Variants in NTM observed in about 807,000 individuals in gnomAD.
NTM encodes the protein neurotrimin.
In NTM, 13 loss-of-function variants were observed where a neutral mutation model predicts 42.1. The ratio of observed to expected loss-of-function variants is 0.31; its 90% CI spans 0.20 to 0.49. The LOEUF is 0.49. NTM is among the 20% of genes least tolerant of loss of function. The probability of loss-of-function intolerance (pLI) is 0.99; values close to 1 mark genes in which losing one functional copy is unlikely to be tolerated. For missense variants in NTM, 373 were observed against 452.8 expected (o/e 0.82, Z 1.60); for synonymous variants, 187 against 179.2 (o/e 1.04, Z -0.35).
intron 1 of NTM, among the ~76,000 whole-genome samples, chr11:131,391,061 A>G (rs1473217433): frequency 2.0e-5 from 3 of 152,144 alleles, no homozygotes; most frequent in Non-Finnish European, 4.4e-5. Flanking sequence ...GGGGAAAGGC[A>G]CACTTACTAC....
At chr11:131,882,361 A>G (rs1312111487) in intron 1 of NTM, among the ~76,000 whole-genome samples, 1 of 152,152 alleles carries the variant, frequency 6.6e-6, no homozygotes, top group Non-Finnish European at 1.5e-5. Context: ...CAGGTTAGTC[A>G]TTTTCTATTA....
Position 131,434,039 on chromosome 11 carries a change from C to T in NTM, c.82+63151C>T, listed in dbSNP as rs772194851. On this transcript the variant is annotated intron_variant, in intron 1 of 8. Transcript: ENST00000683400. ...TTCAGTTCCCACCTATGAGTGAGAA[C>T]ATGCGGTGTTTGGTTTTCTGTCCTT... 5.3e-5 allele frequency among the ~76,000 whole-genome samples: 8 copies of T among 152,230 alleles called. No individual in the cohort carries two copies. In the East Asian group the frequency reaches 7.7e-4, roughly 15 times the overall value.
At chr11:131,997,377 G>A (rs548018963) in intron 2 of NTM, among the ~76,000 whole-genome samples, 46 of 152,212 alleles carry the variant, frequency 3.0e-4, no homozygotes, top group Middle Eastern at 3.4e-3. Context: ...GGGTACGTGC[G>A]GAACACTGGG....
At chr11:131,789,622 GAAGAAGAAGAA>G (rs2090432899) in intron 1 of NTM, among the ~76,000 whole-genome samples, 1 of 85,612 alleles carries the variant, frequency 1.2e-5, no homozygotes, top group Non-Finnish European at 2.3e-5. Context: ...AGAAGAAGAA[GAAGAAGAAGAA>G]GAAAAGAAGA....
intron 1 of NTM, among the ~76,000 whole-genome samples, chr11:131,640,293 A>T (rs2064974616): frequency 6.6e-6 from 1 of 152,224 alleles, no homozygotes; most frequent in South Asian, 2.1e-4. Flanking sequence ...TGAGAATAAG[A>T]CAAAGACTAA....
At chr11:132,056,782 C>A (rs1287726163) in intron 2 of NTM, among the ~76,000 whole-genome samples, 1 of 152,128 alleles carries the variant, frequency 6.6e-6, no homozygotes, top group Admixed American at 6.5e-5. Flanking sequence ...ATTCTTACAC[C>A]CACAGAGATG....
chr11:132,112,437 T>A (rs1566193007), intron 2 of NTM, among the ~76,000 whole-genome samples: 2 of 152,212 alleles, frequency 1.3e-5, no homozygotes, highest in Middle Eastern at 3.4e-3. Context: ...TAATGAGAAG[T>A]CTTAGAGAAT....
chr11:131,900,829 A>G (rs4603314), intron 1 of NTM, among the ~76,000 whole-genome samples: 3,874 of 152,344 alleles, frequency 0.025, 139 homozygotes, highest in African/African-American at 0.088. Flanking sequence ...TTATGGAACA[A>G]TTTTGAGTAA....
intron 1 of NTM, among the ~76,000 whole-genome samples, chr11:131,532,671 G>C (rs1316527029): frequency 6.6e-6 from 1 of 152,202 alleles, no homozygotes; most frequent in African/African-American, 2.4e-5. Context: ...CTGCACCATT[G>C]TACATTCTCA....
intron 3 of NTM, among the ~76,000 whole-genome samples, chr11:132,202,159 G>A (rs1313813100): frequency 6.6e-6 from 1 of 152,130 alleles, no homozygotes; most frequent in Non-Finnish European, 1.5e-5. Flanking sequence ...CCTTATTAGA[G>A]AATCTGCAGT....
chr11:131,394,620 G>T (rs1376749244), intron 1 of NTM, among the ~76,000 whole-genome samples: 1 of 152,146 alleles, frequency 6.6e-6, no homozygotes, highest in African/African-American at 2.4e-5. Context: ...CAAAGATCAG[G>T]CTAGGAGAAA....
In NTM at chr11:132,146,740, A is replaced by G; in HGVS notation, c.400+226A>G. On this transcript the variant is annotated intron_variant, in intron 3 of 8. Coordinates refer to ENST00000683400, the MANE Select transcript of NTM (RefSeq NM_001352005.2). This position sits in a 1 kb window ranked among gnomAD's most constrained non-coding sequence, Gnocchi z 4.5. The stretch of plus-strand genomic sequence containing the variant: ...TTTTTCATTTTTGTTCCAATAATAT[A>G]TTTTCTCAGGAAATTATCTTGTAAT... The G allele has an allele frequency of 6.4e-6, 3 of 465,174 alleles. No homozygotes were observed. Among genetic ancestry groups the G allele is most frequent in the Non-Finnish European group, 7.5e-6 (2 of 266,874 alleles). The allele number at this position is 465,174 out of a possible 1,614,324, so 28.8% of individuals were successfully genotyped here.
intron 1 of NTM, among the ~76,000 whole-genome samples, chr11:131,613,332 C>T (rs1191926387): frequency 3.3e-5 from 5 of 152,114 alleles, no homozygotes; most frequent in Non-Finnish European, 7.3e-5. Flanking sequence ...GCCTGGGCCC[C>T]CGCCCAAGTT....
intron 1 of NTM, among the ~76,000 whole-genome samples, chr11:131,521,890 C>T (rs1238383746): frequency 6.6e-6 from 1 of 152,128 alleles, no homozygotes; most frequent in Non-Finnish European, 1.5e-5. Context: ...CTGCTTCCCC[C>T]TTTGTAATTG....
intron 1 of NTM, among the ~76,000 whole-genome samples, chr11:131,565,148 T>G (rs114597482): frequency 6.6e-6 from 1 of 152,176 alleles, no homozygotes; most frequent in Non-Finnish European, 1.5e-5. Context: ...ACCCCAACAC[T>G]GTCCCCTGTG....
chr11:132,237,205 G>A (rs1053993485), intron 4 of NTM, among the ~76,000 whole-genome samples: 2 of 152,208 alleles, frequency 1.3e-5, no homozygotes, highest in Non-Finnish European at 2.9e-5. Context: ...AATGCCAGAT[G>A]CTAACTTAGA....
At chr11:132,251,991 A>G (rs3133904) in intron 4 of NTM, among the ~76,000 whole-genome samples, 72,645 of 151,964 alleles carry the variant, frequency 0.48, 17,786 homozygotes, top group African/African-American at 0.55. Flanking sequence ...TTCCGCCCAG[A>G]CAGAGAGTGA....
intron 3 of NTM, among the ~76,000 whole-genome samples, chr11:132,169,315 T>TTTTAC (rs1243731782): frequency 7.9e-5 from 11 of 139,768 alleles, no homozygotes; most frequent in Non-Finnish European, 1.7e-4. Flanking sequence ...GGTTTAATTT[T>TTTTAC]TTTACTTTTT....
chr11:132,171,986 G>A (rs968129770), intron 3 of NTM, among the ~76,000 whole-genome samples: 10 of 152,090 alleles, frequency 6.6e-5, no homozygotes, highest in African/African-American at 2.4e-4. Flanking sequence ...TTTCCCATGT[G>A]GCCTTGGCCT....
Sources: allele counts gnomAD v4.1 joint callset (sites outside exome capture counted in the v4.1 genomes callset), GRCh38; gene constraint gnomAD v4.1.1; non-coding constraint Gnocchi (gnomAD v3.1); transcripts MANE v1.5; gene names NCBI Gene and HGNC (gene_info 2026-07-23, HGNC 2026-07-21).